Variants in LYZL1 observed in about 807,000 individuals in gnomAD.
LYZL1 encodes lysozyme like 1, also known as lysozyme-like protein 1.
In LYZL1, 16 loss-of-function variants were observed where a neutral mutation model predicts 17.9. The ratio of observed to expected loss-of-function variants is 0.90; its 90% CI spans 0.61 to 1.36. LYZL1 has a LOEUF of 1.36. LYZL1 is among the 40% of genes most tolerant of loss of function. LYZL1 has a pLI of 0.00. For synonymous variants in LYZL1, 58 were observed against 71.8 expected (o/e 0.81, Z 0.97); for missense variants, 149 against 188.4 (o/e 0.79, Z 1.22).
At chr10:29,308,000 A>G (rs1835618682) in intron 3 of LYZL1, among the ~76,000 whole-genome samples, 1 of 152,160 alleles carries the variant, frequency 6.6e-6, no homozygotes, top group African/African-American at 2.4e-5. Context: ...GCATTACCCA[A>G]TTCTCTAAAA....
intron 3 of LYZL1, among the ~76,000 whole-genome samples, chr10:29,306,159 AGTTTCC>A (rs753869463): frequency 8.8e-4 from 134 of 152,276 alleles, no homozygotes; most frequent in Non-Finnish European, 1.6e-3. Flanking sequence ...GTCTAATAGA[AGTTTCC>A]GTGATGATGA....
chr10:29,292,469 A>G, intron 2 of LYZL1, 50 bp from the exon 3 acceptor site: 1 of 1,600,384 alleles, frequency 6.2e-7, no homozygotes, highest in Non-Finnish European at 8.5e-7. Flanking sequence ...CCAAGCTTAG[A>G]GCAAAAGATG....
intron 1 of LYZL1, among the ~76,000 whole-genome samples, chr10:29,290,089 C>T (rs889330314): frequency 6.6e-5 from 10 of 152,156 alleles, no homozygotes; most frequent in Non-Finnish European, 1.2e-4. Flanking sequence ...CTGATGACTA[C>T]TTATCCCTGT....
At chr10:29,317,498 C>T (rs1409571580) in intron 4 of LYZL1, 1 of 152,202 alleles carries the variant, frequency 6.6e-6, no homozygotes, top group East Asian at 1.9e-4. Flanking sequence ...AAATCCTAAA[C>T]ATGCCATTAC....
At chr10:29,291,703 G>T in intron 1 of LYZL1, 140 bp from the exon 2 acceptor site, 2 of 1,049,728 alleles carry the variant, frequency 1.9e-6, no homozygotes. Context: ...GGACCGTAGA[G>T]TGGCCGGTTT....
At chr10:29,317,190 T>C (rs1835742754) in intron 3 of LYZL1, 1 of 152,150 alleles carries the variant, frequency 6.6e-6, no homozygotes, top group Non-Finnish European at 1.5e-5. Context: ...TCACTTCCTC[T>C]CTCCCCTATG....
intron 4 of LYZL1, among the ~76,000 whole-genome samples, chr10:29,317,939 G>A (rs1835749601): frequency 1.4e-5 from 2 of 139,190 alleles, no homozygotes; most frequent in South Asian, 2.3e-4. Context: ...GTGAGACCCT[G>A]TCTCTTTAAA....
intron 3 of LYZL1, 52 bp downstream of exon 3, chr10:29,292,729 C>G: frequency 1.3e-6 from 2 of 1,561,524 alleles, no homozygotes; most frequent in South Asian, 2.4e-5. Flanking sequence ...GCGAGAAAGC[C>G]GACAATGGGA....
At chr10:29,316,510 A>T (rs564513292) in intron 3 of LYZL1, among the ~76,000 whole-genome samples, 49 of 152,278 alleles carry the variant, frequency 3.2e-4, no homozygotes, top group African/African-American at 1.2e-3. Context: ...GATGTAACCC[A>T]AAAGAAACGC....
At chr10:29,296,004 T>C (rs1835441893) in intron 3 of LYZL1, among the ~76,000 whole-genome samples, 1 of 152,162 alleles carries the variant, frequency 6.6e-6, no homozygotes, top group Non-Finnish European at 1.5e-5. Flanking sequence ...TGTCAGCACT[T>C]TGACTTCAGC....
At chr10:29,313,033 T>C (rs1444387267), downstream of LYZL1, among the ~76,000 whole-genome samples, 1 of 152,174 alleles carries the variant, frequency 6.6e-6, no homozygotes, top group Non-Finnish European at 1.5e-5. Flanking sequence ...TCCCCAGGCC[T>C]CAACTGATGG....
intron 3 of LYZL1, among the ~76,000 whole-genome samples, chr10:29,298,149 G>T (rs1488351851): frequency 6.6e-6 from 1 of 152,080 alleles, no homozygotes; most frequent in Non-Finnish European, 1.5e-5. Context: ...ACAAAAATCT[G>T]ATCAAATCAT....
intron 3 of LYZL1, among the ~76,000 whole-genome samples, chr10:29,306,566 A>G (rs1251477218): frequency 2.7e-5 from 4 of 149,114 alleles, no homozygotes; most frequent in South Asian, 2.1e-4. Context: ...AAAAAAAAAA[A>G]AAAAAAAAAG....
At chr10:29,311,986 GT>G (rs1048697186), downstream of LYZL1, among the ~76,000 whole-genome samples, 20 of 148,342 alleles carry the variant, frequency 1.3e-4, no homozygotes, top group East Asian at 3.6e-3. Flanking sequence ...GGGAGGGAAC[GT>G]TTTTTTTCCG....
rs745805689 is a variant in LYZL1, at chr10:29,310,164, A to G, written c.353A>G (p.Lys118Arg). Reference sequence around the variant, plus strand: ...ATTATCTGTGCCAGGAAAATTGTTAAAGAGACACAAGGAATGAACTATTGG... The same window carrying G: ...ATTATCTGTGCCAGGAAAATTGTTAGAGAGACACAAGGAATGAACTATTGG... ...DAIICARKIV[K>R]ETQGMNYWQG... Residue 118 changes from lysine to arginine, a missense_variant, in exon 4 of 5, where the codon AAA becomes AGA. Coordinates refer to ENST00000649382, the MANE Select transcript of LYZL1 (RefSeq NM_032517.6). 5.0e-6 allele frequency: 8 copies of G among 1,610,706 alleles called. No individual in the cohort carries two copies. The highest frequency in any genetic ancestry group is 5.9e-6 in the Non-Finnish European group (7 of 1,177,102).
intron 4 of LYZL1, 47 bp downstream of exon 4, chr10:29,310,235 A>T (rs1267904478): frequency 1.2e-5 from 16 of 1,387,990 alleles, no homozygotes; most frequent in Non-Finnish European, 1.5e-5. Context: ...GGCAAAACCT[A>T]GTGTGTGTAT....
chr10:29,307,186 A>G (rs1310781822), intron 3 of LYZL1, among the ~76,000 whole-genome samples: 1 of 152,184 alleles, frequency 6.6e-6, no homozygotes, highest in Non-Finnish European at 1.5e-5. Flanking sequence ...ACAGTACAGT[A>G]TAATTAACTA....
intron 3 of LYZL1, among the ~76,000 whole-genome samples, chr10:29,294,290 A>C (rs1047131857): frequency 6.6e-6 from 1 of 152,216 alleles, no homozygotes; most frequent in Non-Finnish European, 1.5e-5. Context: ...GCAAGAGGAA[A>C]CCAAGAGAGG....
intron 3 of LYZL1, among the ~76,000 whole-genome samples, chr10:29,293,122 C>CTTTTTTTTT (rs1451187937): frequency 1.0e-5 from 1 of 96,848 alleles, no homozygotes; most frequent in Non-Finnish European, 2.4e-5. Flanking sequence ...TTTTTCTTTT[C>CTTTTTTTTT]TTTTCTTTTT....
Sources: gnomAD v4.1 joint callset for allele counts (sites outside exome capture counted in the v4.1 genomes callset) on GRCh38, gnomAD v4.1.1 for gene constraint, MANE v1.5 for transcripts, NCBI Gene and HGNC (gene_info 2026-07-23, HGNC 2026-07-21) for gene names.